Variants in IMMP2L observed in about 807,000 individuals in gnomAD.
IMMP2L encodes inner mitochondrial membrane peptidase subunit 2, also known as mitochondrial inner membrane protease subunit 2.
A neutral mutation model predicts 19.3 loss-of-function variants in IMMP2L; 18 were observed. The observed-to-expected ratio is 0.93, with a 90% CI of 0.64 to 1.38. IMMP2L has a LOEUF of 1.38. Among genes scored for constraint, IMMP2L ranks in the 40% most tolerant of loss-of-function variants. The probability of loss-of-function intolerance (pLI) is 0.00; values close to 1 mark genes in which losing one functional copy is unlikely to be tolerated. For synonymous variants in IMMP2L, 76 were observed against 73.0 expected (o/e 1.04, Z -0.21); for missense variants, 233 against 218.2 (o/e 1.07, Z -0.43).
intron 3 of IMMP2L, among the ~76,000 whole-genome samples, chr7:111,328,664 G>A (rs1825575377): frequency 6.6e-6 from 1 of 151,720 alleles, no homozygotes; most frequent in Non-Finnish European, 1.5e-5. Flanking sequence ...CATGCCCATG[G>A]GTGGGATGTT....
intron 5 of IMMP2L, among the ~76,000 whole-genome samples, chr7:110,824,509 G>GCA (rs1006928423): frequency 6.6e-6 from 1 of 152,022 alleles, no homozygotes; most frequent in Non-Finnish European, 1.5e-5. Context: ...TGGACCACAG[G>GCA]CACACACCAC....
chr7:111,330,003 G>C (rs551748171), intron 3 of IMMP2L, among the ~76,000 whole-genome samples: 1 of 151,636 alleles, frequency 6.6e-6, no homozygotes, highest in South Asian at 2.1e-4. Flanking sequence ...CAAAACAGAA[G>C]AAAACCATAA....
chr7:110,722,081 T>C (rs893371308), intron 5 of IMMP2L, among the ~76,000 whole-genome samples: 1 of 151,972 alleles, frequency 6.6e-6, no homozygotes, highest in Non-Finnish European at 1.5e-5. Flanking sequence ...AGGATGTCAA[T>C]AGGTGTGAAA....
At chr7:110,804,556 C>T (rs910851240) in intron 5 of IMMP2L, among the ~76,000 whole-genome samples, 3 of 152,072 alleles carry the variant, frequency 2.0e-5, no homozygotes, top group Non-Finnish European at 1.5e-5. Context: ...ATGCATTCTC[C>T]TAGTCTTGCT....
chr7:110,934,012 T>C (rs1563092098), intron 4 of IMMP2L, among the ~76,000 whole-genome samples: 2 of 152,206 alleles, frequency 1.3e-5, no homozygotes, highest in Non-Finnish European at 2.9e-5. Flanking sequence ...CCGCATTAGC[T>C]GTGTCCAGAG....
chr7:111,082,073 CATTCTGA>C (rs1171539851), intron 3 of IMMP2L, among the ~76,000 whole-genome samples: 2 of 152,140 alleles, frequency 1.3e-5, no homozygotes, highest in Non-Finnish European at 2.9e-5. Flanking sequence ...TTGCAGTAGC[CATTCTGA>C]ATTTAACAGT....
intron 5 of IMMP2L, among the ~76,000 whole-genome samples, chr7:110,740,463 C>T (rs1796921345): frequency 6.6e-6 from 1 of 151,896 alleles, no homozygotes; most frequent in Non-Finnish European, 1.5e-5. Flanking sequence ...AACTAGAAAA[C>T]CTAGAGGAGA....
chr7:110,665,101 A>T (rs1241616129), intron 5 of IMMP2L: 1 of 152,236 alleles, frequency 6.6e-6, no homozygotes, highest in Admixed American at 6.5e-5. Context: ...CAAACTAAAT[A>T]TTCACGAAGG....
chr7:111,277,156 C>A (rs941790911), intron 3 of IMMP2L, among the ~76,000 whole-genome samples: 17 of 151,786 alleles, frequency 1.1e-4, no homozygotes, highest in African/African-American at 4.1e-4. Flanking sequence ...ACAAAAGGAA[C>A]AATCAACAGA....
rs560767644 is a variant in IMMP2L, at chr7:110,857,576, A to G, written c.408+29017T>C. Among the ~76,000 whole-genome samples the G allele has an allele frequency of 3.0e-3, 462 of 152,250 alleles. 2 individuals are homozygous for G. Among genetic ancestry groups the G allele is most frequent in the African/African-American group, 0.01 (436 of 41,572 alleles). On this transcript the variant is annotated intron_variant, in intron 5 of 5. Coordinates refer to ENST00000405709, the MANE Select transcript of IMMP2L (RefSeq NM_032549.4). ...TTAAAAATATAGATTCCTGGATCTC[A>G]TCTCAAACTGACTAAATCAGAAATT...
At chr7:111,246,005 C>T (rs1815618067) in intron 3 of IMMP2L, among the ~76,000 whole-genome samples, 1 of 28,370 alleles carries the variant, frequency 3.5e-5, no homozygotes, top group Non-Finnish European at 5.1e-5. Context: ...CTCTGCCCGG[C>T]TTTGGTATCA....
chr7:110,818,902 T>C (rs531849849), intron 5 of IMMP2L, among the ~76,000 whole-genome samples: 26 of 137,194 alleles, frequency 1.9e-4, no homozygotes, highest in South Asian at 4.5e-4. Flanking sequence ...TAGGTGGGAA[T>C]TGAACAATGA....
At chr7:111,147,606 T>C (rs1803619774) in intron 3 of IMMP2L, among the ~76,000 whole-genome samples, 1 of 152,140 alleles carries the variant, frequency 6.6e-6, no homozygotes, top group Non-Finnish European at 1.5e-5. Context: ...TTTTCCACCA[T>C]GGAGATTCAG....
At chr7:111,467,478 CACTT>C (rs1254587624) in intron 3 of IMMP2L, among the ~76,000 whole-genome samples, 1 of 152,130 alleles carries the variant, frequency 6.6e-6, no homozygotes, top group African/African-American at 2.4e-5. Context: ...TGCTCATACT[CACTT>C]AAGCATAATA....
In IMMP2L at chr7:111,002,520, G is replaced by T. The variant is rs181817783; in HGVS notation, c.240-38955C>A. On this transcript the variant is annotated intron_variant, in intron 3 of 5. Transcript: ENST00000405709. ...AGAATTCTCTAGAGCTTAGATGAGT[G>T]CTTCAAATCTTAAGCTTTGAGTTCT... Among the ~76,000 whole-genome samples the T allele has an allele frequency of 5.0e-4, 76 of 152,258 alleles. 1 individual carries two copies. The highest frequency in any genetic ancestry group is 1.8e-3 in the African/African-American group (73 of 41,562).
chr7:111,486,070 G>A (rs539965248), intron 3 of IMMP2L, among the ~76,000 whole-genome samples: 8 of 152,008 alleles, frequency 5.3e-5, no homozygotes, highest in Non-Finnish European at 1.0e-4. Context: ...AATAGTACTC[G>A]GAATGACAAA....
At chr7:111,254,907 C>G (rs1816539709) in intron 3 of IMMP2L, among the ~76,000 whole-genome samples, 1 of 152,128 alleles carries the variant, frequency 6.6e-6, no homozygotes, top group South Asian at 2.1e-4. Context: ...AGCTCTTTAT[C>G]AACATTAACT....
At chr7:111,041,455 T>A (rs182822530) in intron 3 of IMMP2L, among the ~76,000 whole-genome samples, 2 of 152,144 alleles carry the variant, frequency 1.3e-5, no homozygotes, top group East Asian at 3.9e-4. Flanking sequence ...ATCTCTTAAC[T>A]GCCAGATGAG....
intron 3 of IMMP2L, among the ~76,000 whole-genome samples, chr7:111,083,271 C>T (rs1796034586): frequency 6.6e-6 from 1 of 152,098 alleles, no homozygotes; most frequent in African/African-American, 2.4e-5. Context: ...TAAAAACCAA[C>T]ATGAAAATAA....
Sources: gnomAD v4.1 joint callset for allele counts (sites outside exome capture counted in the v4.1 genomes callset) on GRCh38, gnomAD v4.1.1 for gene constraint, MANE v1.5 for transcripts, NCBI Gene and HGNC (gene_info 2026-07-23, HGNC 2026-07-21) for gene names.